The following RABGEF1 variants were observed in gnomAD, a reference collection of about 807,000 sequenced individuals.
RABGEF1 encodes rab5 GDP/GTP exchange factor.
A neutral mutation model predicts 57.3 loss-of-function variants in RABGEF1; 26 were observed. That is an observed-to-expected ratio of 0.45 (90% CI 0.33 to 0.63). The LOEUF is 0.63. Among genes scored for constraint, RABGEF1 ranks in the 20% least tolerant of loss-of-function variants. The pLI is 0.02. For synonymous variants in RABGEF1, 185 were observed against 210.7 expected, an observed-to-expected ratio of 0.88 and a Z score of 1.06; for missense variants, 464 against 607.6, an observed-to-expected ratio of 0.76 and a Z score of 2.48.
At position 66,786,154 on chromosome 7, in the gene RABGEF1, C is replaced by T. The variant is rs187564176; in HGVS notation, c.513+2313C>T. 7.9e-4 allele frequency among the ~76,000 whole-genome samples: 120 copies of T among 152,268 alleles called. 2 individuals carry two copies. In the South Asian group the frequency reaches 0.011, roughly 14 times the overall value. ...TTTCCCACATCATTTCTGTTTTCTC[C>T]AAGCCCTGTATATGCCGGTGGTGAG... On this transcript the variant is annotated intron_variant, in intron 4 of 8. Transcript: ENST00000284957.
intron 1 of RABGEF1, among the ~76,000 whole-genome samples, chr7:66,767,191 C>T (rs1247872431): frequency 6.6e-6 from 1 of 151,586 alleles, no homozygotes; most frequent in Non-Finnish European, 1.5e-5. Context: ...TTAATAGAGA[C>T]GAGGTTTTGC....
chr7:66,660,476 A>T, the RABGEF1 span, among the ~76,000 whole-genome samples: 1 of 152,224 alleles, frequency 6.6e-6, no homozygotes, highest in Non-Finnish European at 1.5e-5. Flanking sequence ...TGAAATGGCA[A>T]ATCTCTAGAA....
intron 4 of RABGEF1, among the ~76,000 whole-genome samples, chr7:66,785,825 G>T (rs1328457126): frequency 6.6e-6 from 1 of 151,974 alleles, no homozygotes; most frequent in Non-Finnish European, 1.5e-5. Flanking sequence ...AGTGAGCGGA[G>T]ATTGCACCAC....
intron 1 of RABGEF1, among the ~76,000 whole-genome samples, chr7:66,741,494 C>T (rs550646703): frequency 1.3e-5 from 2 of 152,228 alleles, no homozygotes; most frequent in Non-Finnish European, 2.9e-5. Context: ...GCTTTGGAGG[C>T]TAGGTCATAG....
intron 1 of RABGEF1, among the ~76,000 whole-genome samples, chr7:66,763,639 C>T (rs1337560496): frequency 6.6e-6 from 1 of 152,174 alleles, no homozygotes; most frequent in Non-Finnish European, 1.5e-5. Context: ...GGAACCCATG[C>T]CCTTTCTCTT....
chr7:66,715,760 T>TA lies in RABGEF1; in HGVS notation c.-815+3537dup, dbSNP rs545114565. Among the ~76,000 whole-genome samples, 5 of 152,238 alleles carry TA rather than the reference T, an allele frequency of 3.3e-5. No individual in the cohort carries two copies. The South Asian group carries it at 1.0e-3, about 32-fold the overall frequency. On this transcript the variant is annotated intron_variant and NMD_transcript_variant, in intron 2 of 9. Coordinates refer to the RABGEF1 transcript ENST00000607882. ...TGAATGTTCTATATGCTTTTTTTTT[T>TA]AGAGATGGGTCTCGGCTGTGTTACC... is the stretch of plus-strand genomic sequence containing the variant.
intron 1 of RABGEF1, among the ~76,000 whole-genome samples, chr7:66,759,328 T>C (rs1425658860): frequency 2.6e-5 from 4 of 152,184 alleles, no homozygotes; most frequent in Admixed American, 6.5e-5. Context: ...ACACCAGCAT[T>C]GTTAAGATTC....
chr7:66,718,075 G>A (rs1005113904), intron 2 of RABGEF1, among the ~76,000 whole-genome samples: 3 of 152,098 alleles, frequency 2.0e-5, no homozygotes, highest in Non-Finnish European at 4.4e-5. Context: ...TAAATAGGTA[G>A]GCCAGGCATG....
chr7:66,789,322 AGT>A (rs2129154821), intron 4 of RABGEF1, among the ~76,000 whole-genome samples: 1 of 152,310 alleles, frequency 6.6e-6, no homozygotes, highest in East Asian at 1.9e-4. Flanking sequence ...GAGGATGAGA[AGT>A]GAGGCAGTGG....
the RABGEF1 span, among the ~76,000 whole-genome samples, chr7:66,664,398 A>G: frequency 6.6e-6 from 1 of 151,856 alleles, no homozygotes; most frequent in Admixed American, 6.6e-5. Flanking sequence ...TGGACAATAT[A>G]GCAAGACCTC....
intron 2 of RABGEF1, among the ~76,000 whole-genome samples, chr7:66,732,622 C>G (rs1337290034): frequency 6.6e-6 from 1 of 152,102 alleles, no homozygotes; most frequent in Non-Finnish European, 1.5e-5. Context: ...CCCTCTATAA[C>G]CACCCCCTTG....
chr7:66,766,142 A>C (rs1244627244), intron 1 of RABGEF1, among the ~76,000 whole-genome samples: 1 of 151,974 alleles, frequency 6.6e-6, no homozygotes, highest in East Asian at 1.9e-4. Flanking sequence ...GTTCAAGACC[A>C]CCTGGGTAAC....
intron 6 of RABGEF1, among the ~76,000 whole-genome samples, 165 bp downstream of exon 6, chr7:66,797,671 T>G (rs1786313852): frequency 6.6e-6 from 1 of 152,224 alleles, no homozygotes; most frequent in African/African-American, 2.4e-5. Flanking sequence ...AGACGAGGAA[T>G]GTGGTGACCT....
At chr7:66,696,493 C>A (rs1792352280) in intron 1 of RABGEF1, among the ~76,000 whole-genome samples, 1 of 151,862 alleles carries the variant, frequency 6.6e-6, no homozygotes, top group African/African-American at 2.4e-5. Context: ...AGTTTGAGAC[C>A]AGCCTGGCCA....
At chr7:66,668,000 G>A in the RABGEF1 span, among the ~76,000 whole-genome samples, 1 of 152,120 alleles carries the variant, frequency 6.6e-6, no homozygotes, top group African/African-American at 2.4e-5. Context: ...GTTTCACCAT[G>A]TTGGGAAGGC....
intron 1 of RABGEF1, among the ~76,000 whole-genome samples, chr7:66,699,207 A>G (rs769592959): frequency 6.6e-6 from 1 of 151,962 alleles, no homozygotes; most frequent in Non-Finnish European, 1.5e-5. Flanking sequence ...CTCCAGGGAG[A>G]GCTAGGGACC....
In RABGEF1 at chr7:66,685,848, G is replaced by A. The variant is rs115200319; in HGVS notation, c.-873+3590G>A. Among the ~76,000 whole-genome samples, 1,161 of 152,208 alleles carry A rather than the reference G, an allele frequency of 7.6e-3. 18 individuals carry two copies. The highest frequency in any genetic ancestry group is 0.026 in the African/African-American group (1,091 of 41,524). ...TGTGAGTTTAATTTCTGGCACGTGG[G>A]GTTTTATTGGCTGCAGAGCAAACAT... On this transcript the variant is annotated intron_variant and NMD_transcript_variant, in intron 1 of 9. Transcript: ENST00000607882.
the RABGEF1 span, among the ~76,000 whole-genome samples, chr7:66,658,406 G>T: frequency 6.6e-6 from 1 of 151,956 alleles, no homozygotes; most frequent in Non-Finnish European, 1.5e-5. Context: ...GGTGGCAGGC[G>T]CCTGTAATCA....
chr7:66,737,265 G>C (rs531408002), upstream of RABGEF1, among the ~76,000 whole-genome samples: 2 of 151,954 alleles, frequency 1.3e-5, no homozygotes, highest in Non-Finnish European at 1.5e-5. Context: ...TTTGGAGATA[G>C]GGTCTTGCTC....
Sources: allele counts gnomAD v4.1 joint callset (sites outside exome capture counted in the v4.1 genomes callset), GRCh38; gene constraint gnomAD v4.1.1; transcripts MANE v1.5; gene names NCBI Gene and HGNC (gene_info 2026-07-23, HGNC 2026-07-21).